Variants in SP3 observed in about 807,000 individuals in gnomAD.
The protein encoded by SP3 is Sp3 transcription factor.
SP3 carries 10 observed loss-of-function variants against 70.3 expected under a neutral mutation model. That is an observed-to-expected ratio of 0.14 (90% CI 0.09 to 0.24). The LOEUF (loss-of-function observed/expected upper bound fraction) is 0.24. Ranked by LOEUF, SP3 falls within the 10% of genes least tolerant of loss-of-function variation. The pLI is 1.00. For synonymous variants in SP3, 402 were observed against 333.5 expected, an observed-to-expected ratio of 1.21 and a Z score of -2.24; for missense variants, 825 against 914.6, an observed-to-expected ratio of 0.90 and a Z score of 1.26.
At chr2:173,917,792 A>T (rs1056765375) in intron 5 of SP3, among the ~76,000 whole-genome samples, 1 of 152,106 alleles carries the variant, frequency 6.6e-6, no homozygotes, top group African/African-American at 2.4e-5. Context: ...TGGAAATTTA[A>T]TATTATTAAC....
chr2:173,918,458 GC>G (rs1190156712), intron 5 of SP3, 134 bp downstream of exon 5: 1 of 815,928 alleles, frequency 1.2e-6, no homozygotes, highest in Non-Finnish European at 1.9e-6. Context: ...TCTAACTTCT[GC>G]CACACGCATA....
Position 173,965,291 on chromosome 2 carries a change from G to T in SP3, c.-120C>A, listed in dbSNP as rs780535432. ...GGCGGACACGGCCGGAGCGGTCCGG[G>T]GATTTTTTTTTCCTATTTTGATTGA... On this transcript the variant is annotated 5_prime_UTR_variant, in exon 1 of 7. Transcript: ENST00000310015. 3 of 1,225,316 alleles carry T rather than the reference G, an allele frequency of 2.4e-6. No homozygotes were observed. The highest frequency in any genetic ancestry group is 1.5e-5 in the African/African-American group (1 of 64,552). The allele number at this position is 1,225,316 out of a possible 1,614,324, so 75.9% of individuals were successfully genotyped here. A position where few individuals can be genotyped will look rare whatever the true frequency, so the allele number is the denominator to read the frequency against.
Position 173,907,289 on chromosome 2 carries a change from T to A in SP3, c.*2652A>T, listed in dbSNP as rs1574391950. 1 of 152,214 alleles carries A rather than the reference T, an allele frequency of 6.6e-6. No homozygotes were observed. Among genetic ancestry groups the A allele is most frequent in the South Asian group, 2.1e-4 (1 of 4,828 alleles). The allele number at this position is 152,214 out of a possible 1,614,324, so 9.4% of individuals were successfully genotyped here. Reference sequence around the variant, plus strand: ...GCAATTGACAAAACACCTATTAGAGTATACCTACCCTGAGAATTATACACA... The same window carrying A: ...GCAATTGACAAAACACCTATTAGAGAATACCTACCCTGAGAATTATACACA... On this transcript the variant is annotated 3_prime_UTR_variant, in exon 7 of 7. Transcript: ENST00000310015.
rs1370628710 is a variant in SP3 at position 173,964,393 on chromosome 2, G to A, written c.156+12C>T. 3 of 706,324 alleles carry A rather than the reference G, an allele frequency of 4.2e-6. No individual in the cohort carries two copies. Among genetic ancestry groups the A allele is most frequent in the Non-Finnish European group, 7.7e-6 (3 of 388,956 alleles). 43.8% of individuals were successfully genotyped at this position (706,324 alleles called of 1,614,324 possible). A position where few individuals can be genotyped will look rare whatever the true frequency, so the allele number is the denominator to read the frequency against. On this transcript the variant is annotated intron_variant, in intron 2 of 6. Coordinates refer to ENST00000310015, the MANE Select transcript of SP3 (RefSeq NM_003111.5). ...GAGGGGGGAGCCGGGCCGGGGTTCAGCCGCTCCTCACCTGGGCCGCCGCTG... is the reference window on the plus strand; with the variant it reads ...GAGGGGGGAGCCGGGCCGGGGTTCAACCGCTCCTCACCTGGGCCGCCGCTG...
At chr2:173,913,410 TCA>T in intron 5 of SP3, 144 bp from the exon 6 acceptor site, 1 of 531,330 alleles carries the variant, frequency 1.9e-6, no homozygotes, top group East Asian at 3.4e-5. Flanking sequence ...CCATTTAAAA[TCA>T]GTTTAAATGA....
At chr2:173,915,721 A>G (rs1689604050) in intron 5 of SP3, 2 of 152,118 alleles carry the variant, frequency 1.3e-5, no homozygotes, top group African/African-American at 4.8e-5. Context: ...CAAAACCTAT[A>G]TAACAATCAT....
chr2:173,919,133 G>A (rs1460715519), intron 4 of SP3, among the ~76,000 whole-genome samples: 5 of 152,076 alleles, frequency 3.3e-5, no homozygotes, highest in African/African-American at 1.2e-4. Context: ...TAATCTACCT[G>A]GAAAAACTTT....
In SP3 at chr2:173,903,483, G is replaced by GA. The variant is rs1380872437; in HGVS notation, c.*6457dup. ...CAACTTTACTAAATGAATAAAGATG[G>GA]AAAAAAACACACAGAGTTACTAGGA... On this transcript the variant is annotated 3_prime_UTR_variant, in exon 7 of 7. Transcript: ENST00000310015. 6.6e-6 allele frequency among the ~76,000 whole-genome samples: 1 copy of GA among 152,076 alleles called. No individual in the cohort carries two copies. Among genetic ancestry groups the GA allele is most frequent in the East Asian group, 1.9e-4 (1 of 5,188 alleles).
chr2:173,923,756 A>T, intron 4 of SP3, among the ~76,000 whole-genome samples: 1 of 149,756 alleles, frequency 6.7e-6, no homozygotes, highest in South Asian at 2.1e-4. Flanking sequence ...TTCTAAATCA[A>T]ATTTGATTTA....
Position 173,902,930 on chromosome 2 carries a change from A to C in SP3, c.*7011T>G, listed in dbSNP as rs941085948. 1.3e-5 allele frequency among the ~76,000 whole-genome samples: 2 copies of C among 152,248 alleles called. No homozygotes were observed. Among genetic ancestry groups the C allele is most frequent in the African/African-American group, 4.8e-5 (2 of 41,474 alleles). ...TGATCATTCCTTTCTAAAAGAAAAAATATATAGGTAAAAATAAGACTATAA... is the reference window on the plus strand; with the variant it reads ...TGATCATTCCTTTCTAAAAGAAAAACTATATAGGTAAAAATAAGACTATAA... On this transcript the variant is annotated 3_prime_UTR_variant, in exon 7 of 7. Transcript: ENST00000310015.
intron 4 of SP3, among the ~76,000 whole-genome samples, chr2:173,942,937 G>A (rs116341146): frequency 0.012 from 1,810 of 152,148 alleles, 39 homozygotes; most frequent in African/African-American, 0.041. Flanking sequence ...CATTATATTA[G>A]GTATTATAAG....
chr2:173,964,486 G>GTAAC lies in SP3; in HGVS notation c.74_75insGTTA (p.Gly26LeufsTer72). ...GATACTCGCCGTGGCCGCCGCCGCC[G>GTAAC]CCACCGCCGCCGCCGCTATCCACGT... On this transcript the variant is annotated frameshift_variant, in exon 2 of 7. Transcript: ENST00000310015. LOFTEE classifies it high-confidence loss of function. 2 of 580,126 alleles carry GTAAC rather than the reference G, an allele frequency of 3.4e-6. No homozygotes were observed. Among genetic ancestry groups the GTAAC allele is most frequent in the Non-Finnish European group, 6.6e-6 (2 of 301,938 alleles). 35.9% of individuals were successfully genotyped at this position (580,126 alleles called of 1,614,324 possible).
rs137893652 is a variant in SP3, at chr2:173,904,767, G to A, written c.*5174C>T. 3.3e-5 allele frequency among the ~76,000 whole-genome samples: 5 copies of A among 152,294 alleles called. No individual in the cohort carries two copies. The highest frequency in any genetic ancestry group is 5.9e-5 in the Non-Finnish European group (4 of 68,030). ...AATGCTCAGAGAAGGGATGTAAGTC[G>A]GACAGATATCCTAAAAGGTCACTAA... is the stretch of plus-strand genomic sequence containing the variant. On this transcript the variant is annotated 3_prime_UTR_variant, in exon 7 of 7. Transcript: ENST00000310015.
upstream of SP3, chr2:173,965,609 C>T (rs894595878): frequency 4.8e-6 from 1 of 208,768 alleles, no homozygotes; most frequent in South Asian, 5.8e-5. Flanking sequence ...CTGCCGCTGC[C>T]AGGCCCGAGG....
At chr2:173,913,294 A>G (rs1559089636) in intron 5 of SP3, 28 bp from the exon 6 acceptor site, 2 of 1,405,370 alleles carry the variant, frequency 1.4e-6, no homozygotes, top group South Asian at 3.5e-5. Flanking sequence ...AATAATATAT[A>G]CTTATATGAA....
chr2:173,936,920 T>G (rs1288969863), intron 4 of SP3, among the ~76,000 whole-genome samples: 4 of 152,144 alleles, frequency 2.6e-5, no homozygotes, highest in African/African-American at 7.2e-5. Flanking sequence ...CTTTTTTGAT[T>G]TTCTGTTCCT....
intron 6 of SP3, among the ~76,000 whole-genome samples, chr2:173,911,812 CCTTT>C (rs1689491199): frequency 2.6e-5 from 3 of 115,856 alleles, no homozygotes; most frequent in South Asian, 2.5e-4. Flanking sequence ...CTTTTATCTA[CCTTT>C]TTTTTTTTTT....
intron 4 of SP3, among the ~76,000 whole-genome samples, chr2:173,931,511 T>C (rs773053369): frequency 6.6e-5 from 10 of 151,876 alleles, no homozygotes; most frequent in African/African-American, 1.7e-4. Flanking sequence ...GCCCGGCTAA[T>C]TTTTGTATTT....
chr2:173,952,567 C>A (rs1241167782), intron 4 of SP3, among the ~76,000 whole-genome samples: 2 of 152,140 alleles, frequency 1.3e-5, no homozygotes, highest in African/African-American at 4.8e-5. Flanking sequence ...CAGGTACATA[C>A]CCAAAAGAAA....
Sources: gnomAD v4.1 joint callset for allele counts (sites outside exome capture counted in the v4.1 genomes callset) on GRCh38, gnomAD v4.1.1 for gene constraint, MANE v1.5 for transcripts, NCBI Gene and HGNC (gene_info 2026-07-23, HGNC 2026-07-21) for gene names.